The following THSD7A variants were observed in gnomAD, a reference collection of about 807,000 sequenced individuals.
The protein encoded by THSD7A is thrombospondin type 1 domain containing 7A.
In THSD7A, 96 loss-of-function variants were observed where a neutral mutation model predicts 231.3. The ratio of observed to expected loss-of-function variants is 0.41; its 90% CI spans 0.35 to 0.49. THSD7A has a LOEUF of 0.49. Ranked by LOEUF, THSD7A falls within the 20% of genes least tolerant of loss-of-function variation. THSD7A has a pLI of 0.05. For synonymous variants in THSD7A, 940 were observed against 743.3 expected, an observed-to-expected ratio of 1.26 and a Z score of -4.30; for missense variants, 2,290 against 2,070.2, an observed-to-expected ratio of 1.11 and a Z score of -2.06.
intron 4 of THSD7A, among the ~76,000 whole-genome samples, chr7:11,581,547 T>A (rs1241315676): frequency 6.9e-6 from 1 of 145,830 alleles, no homozygotes; most frequent in Admixed American, 6.9e-5. Flanking sequence ...GAAATACTCA[T>A]GAATTTTCAC....
intron 1 of THSD7A, among the ~76,000 whole-genome samples, chr7:11,758,660 T>C (rs1032695858): frequency 6.6e-6 from 1 of 152,102 alleles, no homozygotes; most frequent in Non-Finnish European, 1.5e-5. Flanking sequence ...TGTCTTATCA[T>C]TGTTTCTATT....
At chr7:11,760,360 A>G (rs143639059) in intron 1 of THSD7A, among the ~76,000 whole-genome samples, 85 of 152,176 alleles carry the variant, frequency 5.6e-4, no homozygotes, top group Non-Finnish European at 9.9e-4. Flanking sequence ...AAGAAAACAA[A>G]TCTGTAGTGG....
chr7:11,538,363 G>A (rs1443843357), intron 6 of THSD7A, among the ~76,000 whole-genome samples: 2 of 152,164 alleles, frequency 1.3e-5, no homozygotes, highest in East Asian at 3.9e-4. Context: ...TTTGGCAGAG[G>A]AGAAGGAAAT....
At chr7:11,540,174 A>G (rs1364445163) in intron 6 of THSD7A, among the ~76,000 whole-genome samples, 1 of 152,212 alleles carries the variant, frequency 6.6e-6, no homozygotes, top group East Asian at 1.9e-4. Context: ...TCGTAGCAAA[A>G]AAGCAGAATA....
At chr7:11,657,572 T>G (rs1203981720) in intron 1 of THSD7A, among the ~76,000 whole-genome samples, 2 of 151,796 alleles carry the variant, frequency 1.3e-5, no homozygotes, top group African/African-American at 4.8e-5. Flanking sequence ...ACTCTTAAGT[T>G]ATGTAGGTTC....
chr7:11,636,627 C>T lies in THSD7A; in HGVS notation c.525G>A (p.Glu175=). The change falls in exon 2 of 28, where the codon GAG becomes GAA. Residue 175 remains glutamate, a synonymous_variant. Transcript: ENST00000423059. The surrounding 1 kb of genome is among the most constrained non-coding windows in gnomAD (Gnocchi z 10.0). ...CCAGGAGAGGCTTGGGCTCAAAGTA[C>T]TCACAGATGATATCCTCCGCAGGAA... ...KDIPAEDIIC[E]YFEPKPLLEQ... is the part of the protein sequence containing the mutation. 1 of 1,614,016 alleles carries T rather than the reference C, an allele frequency of 6.2e-7. No homozygotes were observed. The highest frequency in any genetic ancestry group is 8.5e-7 in the Non-Finnish European group (1 of 1,179,906).
At chr7:11,671,119 T>G (rs1783373650) in intron 1 of THSD7A, among the ~76,000 whole-genome samples, 5 of 152,172 alleles carry the variant, frequency 3.3e-5, no homozygotes, top group Admixed American at 2.6e-4. Context: ...CAAGAGAACA[T>G]TAATAGACCT....
intron 1 of THSD7A, among the ~76,000 whole-genome samples, chr7:11,766,944 T>C (rs919431831): frequency 5.9e-5 from 9 of 152,192 alleles, no homozygotes; most frequent in Non-Finnish European, 8.8e-5. Context: ...TTAGGTATGG[T>C]AATGATGATG....
chr7:11,784,764 T>A (rs1783735061), intron 1 of THSD7A, among the ~76,000 whole-genome samples: 1 of 152,126 alleles, frequency 6.6e-6, no homozygotes. Flanking sequence ...TAGTTCCACT[T>A]GCATCTTAGT....
At chr7:11,420,937 C>T (rs958607140) in intron 16 of THSD7A, among the ~76,000 whole-genome samples, 3 of 152,120 alleles carry the variant, frequency 2.0e-5, no homozygotes, top group African/African-American at 7.2e-5. Flanking sequence ...GGGCCTGTAG[C>T]CACTTTGTTT....
intron 1 of THSD7A, among the ~76,000 whole-genome samples, chr7:11,738,421 C>A (rs1036247405): frequency 6.6e-6 from 1 of 151,972 alleles, no homozygotes; most frequent in Non-Finnish European, 1.5e-5. Flanking sequence ...TCAGCAAACA[C>A]TGGTTAACCC....
chr7:11,678,029 G>A (rs1783710991), intron 1 of THSD7A, among the ~76,000 whole-genome samples: 1 of 152,156 alleles, frequency 6.6e-6, no homozygotes, highest in Non-Finnish European at 1.5e-5. Context: ...TTAGAACTCA[G>A]GGTAAGAAAC....
At chr7:11,582,342 A>G (rs546056812) in intron 4 of THSD7A, among the ~76,000 whole-genome samples, 4 of 152,020 alleles carry the variant, frequency 2.6e-5, no homozygotes, top group Non-Finnish European at 4.4e-5. Context: ...TTAAATGTTT[A>G]ACATGCATAA....
At chr7:11,429,217 A>G (rs1337938034) in intron 13 of THSD7A, 92 bp from the exon 14 acceptor site, 4 of 1,263,486 alleles carry the variant, frequency 3.2e-6, no homozygotes, top group Non-Finnish European at 4.3e-6. Context: ...AAGGTCCAAG[A>G]CTGACTTGAC....
At chr7:11,711,587 T>A (rs1031066468) in intron 1 of THSD7A, among the ~76,000 whole-genome samples, 3 of 151,116 alleles carry the variant, frequency 2.0e-5, no homozygotes, top group African/African-American at 7.3e-5. Context: ...TTATAGGGAT[T>A]ACATGAGATG....
At chr7:11,414,938 A>T (rs886533065) in intron 17 of THSD7A, among the ~76,000 whole-genome samples, 5 of 152,254 alleles carry the variant, frequency 3.3e-5, no homozygotes, top group African/African-American at 1.2e-4. Context: ...CTTAGTTGGT[A>T]TCTGTTTAAT....
intron 6 of THSD7A, among the ~76,000 whole-genome samples, chr7:11,498,259 G>A (rs532584122): frequency 6.1e-4 from 93 of 152,270 alleles, no homozygotes; most frequent in African/African-American, 2.0e-3. Context: ...AGAGAGGGGC[G>A]GGCTGCCATC....
intron 1 of THSD7A, among the ~76,000 whole-genome samples, chr7:11,773,398 G>T (rs1490697538): frequency 1.3e-5 from 2 of 151,958 alleles, no homozygotes; most frequent in Non-Finnish European, 1.5e-5. Flanking sequence ...AGGCATGGTG[G>T]TCATGCCTGT....
chr7:11,483,716 T>C (rs1786526930), intron 6 of THSD7A, among the ~76,000 whole-genome samples: 1 of 152,138 alleles, frequency 6.6e-6, no homozygotes, highest in South Asian at 2.1e-4. Flanking sequence ...CTGCTGTCTT[T>C]TATTGTACCA....
Sources: allele counts gnomAD v4.1 joint callset (sites outside exome capture counted in the v4.1 genomes callset), GRCh38; gene constraint gnomAD v4.1.1; non-coding constraint Gnocchi (gnomAD v3.1); transcripts MANE v1.5; gene names NCBI Gene and HGNC (gene_info 2026-07-23, HGNC 2026-07-21).